The following NIPAL3 variants were observed in gnomAD, a reference collection of about 807,000 sequenced individuals.
The protein encoded by NIPAL3 is NIPA-like protein 3.
In NIPAL3, 41 loss-of-function variants were observed where a neutral mutation model predicts 47.2. That is an observed-to-expected ratio of 0.87 (90% CI 0.68 to 1.13). NIPAL3 has a LOEUF of 1.13. NIPAL3 is among the 50% of genes most tolerant of loss of function. The probability of loss-of-function intolerance (pLI) is 0.00; values close to 1 mark genes in which losing one functional copy is unlikely to be tolerated. For missense variants in NIPAL3, 449 were observed against 530.1 expected, an observed-to-expected ratio of 0.85 and a Z score of 1.50; for synonymous variants, 194 against 209.6, an observed-to-expected ratio of 0.93 and a Z score of 0.64.
At chr1:24,463,849 A>G (rs941597134) in intron 10 of NIPAL3, among the ~76,000 whole-genome samples, 177 bp from the exon 11 acceptor site, 1 of 151,980 alleles carries the variant, frequency 6.6e-6, no homozygotes, top group Non-Finnish European at 1.5e-5. Context: ...TTCAACTTGC[A>G]TCTGCCCCTG....
chr1:24,418,926 T>G (rs1644185052), intron 1 of NIPAL3, among the ~76,000 whole-genome samples: 1 of 151,986 alleles, frequency 6.6e-6, no homozygotes, highest in South Asian at 2.1e-4. Context: ...AATTGTTTTT[T>G]TTTTTTTTTT....
chr1:24,468,971 T>C lies in NIPAL3; in HGVS notation c.1022-15T>C. ...TTACCGCGTAATGATTTGGAGAAAA[T>C]GGATTTCATTTCAGGTATGCAGAAC... is the stretch of plus-strand genomic sequence containing the variant. On this transcript the variant is annotated splice_polypyrimidine_tract_variant and intron_variant, in intron 11 of 11. Coordinates refer to ENST00000374399, the MANE Select transcript of NIPAL3 (RefSeq NM_020448.5). 4 of 1,613,042 alleles carry C rather than the reference T, an allele frequency of 2.5e-6. No individual in the cohort carries two copies. Among genetic ancestry groups the C allele is most frequent in the Non-Finnish European group, 3.4e-6 (4 of 1,179,316 alleles).
At chr1:24,460,943 A>C (rs1462911215) in intron 10 of NIPAL3, among the ~76,000 whole-genome samples, 1 of 152,226 alleles carries the variant, frequency 6.6e-6, no homozygotes, top group Non-Finnish European at 1.5e-5. Context: ...ATGTGGGAGG[A>C]AAATTTAACA....
At chr1:24,428,426 A>T (rs1644728963) in intron 2 of NIPAL3, among the ~76,000 whole-genome samples, 1 of 152,190 alleles carries the variant, frequency 6.6e-6, no homozygotes, top group Admixed American at 6.5e-5. Flanking sequence ...CATAGGTCAG[A>T]AGACCCCCAT....
At chr1:24,465,779 A>G (rs1646671148) in intron 11 of NIPAL3, 2 of 425,050 alleles carry the variant, frequency 4.7e-6, no homozygotes, top group African/African-American at 2.1e-5. Context: ...CATATGTGTA[A>G]AGGCCTCTTG....
intron 2 of NIPAL3, among the ~76,000 whole-genome samples, chr1:24,423,584 C>T (rs528359768): frequency 3.3e-5 from 5 of 152,108 alleles, no homozygotes; most frequent in East Asian, 1.9e-4. Context: ...GAGCCGAGAT[C>T]GCACCACTGC....
chr1:24,429,454 G>A (rs1199255760), intron 2 of NIPAL3, among the ~76,000 whole-genome samples: 1 of 152,190 alleles, frequency 6.6e-6, no homozygotes, highest in African/African-American at 2.4e-5. Context: ...TCAGCCTTCT[G>A]AAAAATATAT....
At chr1:24,461,234 G>T (rs1225849584) in intron 10 of NIPAL3, among the ~76,000 whole-genome samples, 2 of 152,072 alleles carry the variant, frequency 1.3e-5, no homozygotes, top group Admixed American at 1.3e-4. Context: ...TCCATGTCTA[G>T]AACACATTCA....
intron 3 of NIPAL3, among the ~76,000 whole-genome samples, chr1:24,441,635 G>A (rs1645389349): frequency 6.6e-6 from 1 of 152,154 alleles, no homozygotes; most frequent in Non-Finnish European, 1.5e-5. Context: ...CCAAACGTGG[G>A]GAATCCTGGA....
At chr1:24,428,258 A>AG (rs1644698366) in intron 2 of NIPAL3, among the ~76,000 whole-genome samples, 31 of 119,558 alleles carry the variant, frequency 2.6e-4, no homozygotes, top group African/African-American at 4.7e-4. Context: ...CTCAAAAAGA[A>AG]AGAGAGAGAG....
intron 11 of NIPAL3, 100 bp downstream of exon 11, chr1:24,464,220 C>T (rs1056267700): frequency 1.2e-5 from 10 of 816,120 alleles, no homozygotes; most frequent in African/African-American, 5.2e-5. Context: ...GTGCCTTTAT[C>T]GTGTGACTGT....
At chr1:24,453,119 A>G (rs1463905796) in intron 6 of NIPAL3, among the ~76,000 whole-genome samples, 4 of 152,124 alleles carry the variant, frequency 2.6e-5, no homozygotes. Flanking sequence ...AGCCTGATGC[A>G]TCTTGGCCCT....
intron 8 of NIPAL3, 72 bp from the exon 9 acceptor site, chr1:24,458,816 C>T: frequency 8.4e-7 from 1 of 1,187,570 alleles, no homozygotes; most frequent in East Asian, 2.4e-5. Flanking sequence ...TCAAACCAAA[C>T]TCTACTGTTG....
chr1:24,464,517 A>G (rs1257469199), intron 11 of NIPAL3: 1 of 154,100 alleles, frequency 6.5e-6, no homozygotes, highest in African/African-American at 2.4e-5. Context: ...TGGATGCCAC[A>G]AGGGAGTGCA....
chr1:24,425,319 ATT>A (rs56889050), intron 2 of NIPAL3, among the ~76,000 whole-genome samples: 2 of 151,744 alleles, frequency 1.3e-5, no homozygotes, highest in African/African-American at 4.8e-5. Flanking sequence ...TTTTTTTGCG[ATT>A]TTTTTTAAGC....
rs114508171 is a variant in NIPAL3 at position 24,434,489 on chromosome 1, G to A, written c.94-5683G>A. Among the ~76,000 whole-genome samples, 1,265 of 152,232 alleles carry A rather than the reference G, an allele frequency of 8.3e-3. 16 individuals carry two copies. Among genetic ancestry groups the A allele is most frequent in the African/African-American group, 0.029 (1,191 of 41,552 alleles). On this transcript the variant is annotated intron_variant, in intron 2 of 11. Transcript: ENST00000374399. ...GAAGAAATACACGATAATAGCCAAA[G>A]ACTTGAATAGCGTATACCCCACTTT...
Position 24,449,562 on chromosome 1 carries a change from A to G in NIPAL3, c.476A>G (p.His159Arg). 6.2e-7 allele frequency: 1 copy of G among 1,614,126 alleles called. No individual in the cohort carries two copies. Among genetic ancestry groups the G allele is most frequent in the African/African-American group, 1.3e-5 (1 of 75,032 alleles). The change falls in exon 6 of 12, where the codon CAC (histidine) becomes CGC (arginine). Residue 159 changes from histidine (H) to arginine (R), a missense_variant. Physicochemically the swap from His to Arg is conservative, Grantham distance 29 (BLOSUM62 0). Transcript: ENST00000374399. The surrounding 1 kb of genome is among the most constrained non-coding windows in gnomAD (Gnocchi z 4.5). The part of the protein sequence containing the change: ...YLLVTFAPNS[H>R]EKMTGENVTR... ...CTGGTGACATTCGCACCCAACAGTC[A>G]CGAGAAGATGACAGGCGAGAATGTC...
In NIPAL3 at chr1:24,470,580, G is replaced by A. The variant is rs940377844; in HGVS notation, c.*1395G>A. 1.3e-5 allele frequency: 2 copies of A among 152,174 alleles called. No homozygotes were observed. The highest frequency in any genetic ancestry group is 4.8e-5 in the African/African-American group (2 of 41,440). The allele number at this position is 152,174 out of a possible 1,614,324, so 9.4% of individuals were successfully genotyped here. ...TTCCTCCCTAGGGTTCCTTTGGAAG[G>A]TTAAATACTCCCCATAGGATCTGTG... On this transcript the variant is annotated 3_prime_UTR_variant, in exon 12 of 12. Coordinates refer to ENST00000374399, the MANE Select transcript of NIPAL3 (RefSeq NM_020448.5).
rs11367687 is a variant in NIPAL3 at position 24,467,307 on chromosome 1, C to CA, written c.1022-1666dup. ...TGAAACCCCGTCTTTACTAAAAATA[C>CA]AAAAAAAAAAAAATTAGCTGTGCGT... is the stretch of plus-strand genomic sequence containing the variant. On this transcript the variant is annotated intron_variant, in intron 11 of 11. Transcript: ENST00000374399. Among the ~76,000 whole-genome samples the CA allele has an allele frequency of 5.1e-3, 746 of 147,176 alleles. 2 individuals carry two copies. The highest frequency in any genetic ancestry group is 7.1e-3 in the Non-Finnish European group (472 of 66,714).
Sources: gnomAD v4.1 joint callset for allele counts (sites outside exome capture counted in the v4.1 genomes callset) on GRCh38, gnomAD v4.1.1 for gene constraint, Gnocchi (gnomAD v3.1) non-coding constraint, MANE v1.5 for transcripts, NCBI Gene and HGNC (gene_info 2026-07-23, HGNC 2026-07-21) for gene names.